Variants in NLK observed in about 807,000 individuals in gnomAD.
NLK encodes nemo like kinase, also known as serine/threonine-protein kinase NLK.
A neutral mutation model predicts 59.0 loss-of-function variants in NLK; 11 were observed. That is an observed-to-expected ratio of 0.19 (90% CI 0.12 to 0.31). NLK has a LOEUF of 0.31. Ranked by LOEUF, NLK falls within the 10% of genes least tolerant of loss-of-function variation. NLK has a pLI of 1.00. For synonymous variants in NLK, 235 were observed against 235.9 expected, an observed-to-expected ratio of 1.00 and a Z score of 0.03; for missense variants, 410 against 661.1, an observed-to-expected ratio of 0.62 and a Z score of 4.16.
chr17:28,192,269 T>TA, intron 10 of NLK, 56 bp downstream of exon 10: 3 of 894,412 alleles, frequency 3.4e-6, no homozygotes, highest in Non-Finnish European at 5.4e-6. Context: ...ATGCCAGTGT[T>TA]ACTTCATTAT....
intron 1 of NLK, among the ~76,000 whole-genome samples, chr17:28,120,810 T>C (rs1906013898): frequency 6.6e-6 from 1 of 152,188 alleles, no homozygotes; most frequent in African/African-American, 2.4e-5. Flanking sequence ...CTAAAATGAA[T>C]CCATAAAGAA....
At chr17:28,045,422 A>G (rs575370159) in intron 1 of NLK, among the ~76,000 whole-genome samples, 2 of 152,278 alleles carry the variant, frequency 1.3e-5, no homozygotes, top group East Asian at 3.9e-4. Context: ...TAGAAATCCA[A>G]TATCAAGGTA....
chr17:28,132,821 A>G (rs1426685836), intron 3 of NLK, 146 bp downstream of exon 3: 2 of 688,894 alleles, frequency 2.9e-6, no homozygotes, highest in Admixed American at 2.6e-5. Flanking sequence ...TAATTTTGAA[A>G]TCCTGTGTGT....
rs950866544 is a variant in NLK at position 28,084,624 on chromosome 17, C to T, written c.459-37979C>T. Among the ~76,000 whole-genome samples the T allele has an allele frequency of 1.2e-4, 18 of 151,746 alleles. 1 individual carries two copies. The highest frequency in any genetic ancestry group is 5.3e-4 in the Admixed American group (8 of 15,238). On this transcript the variant is annotated intron_variant, in intron 1 of 10. Transcript: ENST00000407008. ...TGTCACCCAGGCTGGAGTGCGGTGG[C>T]GCAATCTCGGCTCACTGCAACCTCC...
At chr17:28,145,029 CATT>C (rs1315488412) in intron 3 of NLK, among the ~76,000 whole-genome samples, 1 of 152,122 alleles carries the variant, frequency 6.6e-6, no homozygotes, top group African/African-American at 2.4e-5. Context: ...CTATGCCTGT[CATT>C]ATTAAGTATT....
chr17:28,066,334 C>T (rs1398857780), intron 1 of NLK, among the ~76,000 whole-genome samples: 1 of 152,202 alleles, frequency 6.6e-6, no homozygotes, highest in Non-Finnish European at 1.5e-5. Context: ...GCAGTCATTT[C>T]TACATATACC....
At chr17:28,115,435 C>G (rs765380670) in intron 1 of NLK, among the ~76,000 whole-genome samples, 4 of 152,180 alleles carry the variant, frequency 2.6e-5, no homozygotes, top group Non-Finnish European at 5.9e-5. Context: ...CTCTGCAGAG[C>G]CAACTTTTTG....
chr17:28,196,095 A>G lies in NLK; in HGVS notation c.*1459A>G, dbSNP rs1230032094. On this transcript the variant is annotated 3_prime_UTR_variant, in exon 11 of 11. Transcript: ENST00000407008. ...AGTTATGTTTGGAAGTTTTAACTTCAATGAAGTAATTATTTGCTGTGAAAG... is the reference window on the plus strand; with the variant it reads ...AGTTATGTTTGGAAGTTTTAACTTCGATGAAGTAATTATTTGCTGTGAAAG... The G allele has an allele frequency of 6.6e-6, 1 of 152,662 alleles. No individual in the cohort carries two copies. Among genetic ancestry groups the G allele is most frequent in the Non-Finnish European group, 1.5e-5 (1 of 68,028 alleles). 9.5% of individuals were successfully genotyped at this position (152,662 alleles called of 1,614,324 possible).
At chr17:28,191,290 G>T in intron 9 of NLK, 71 bp downstream of exon 9, 1 of 1,209,340 alleles carries the variant, frequency 8.3e-7, no homozygotes, top group Non-Finnish European at 1.2e-6. Context: ...GCCATGAAGA[G>T]CTGAGATCTG....
chr17:28,155,444 G>T (rs1297673640), intron 3 of NLK, among the ~76,000 whole-genome samples: 1 of 152,116 alleles, frequency 6.6e-6, no homozygotes, highest in Non-Finnish European at 1.5e-5. Context: ...ATACCCAAAG[G>T]ATTATAAATC....
intron 8 of NLK, chr17:28,190,797 C>T: frequency 2.3e-6 from 1 of 437,404 alleles, no homozygotes. Context: ...AAAGGCACTT[C>T]TAAGTACTTT....
chr17:28,186,336 T>C (rs1909115879), intron 8 of NLK, among the ~76,000 whole-genome samples: 1 of 152,216 alleles, frequency 6.6e-6, no homozygotes, highest in African/African-American at 2.4e-5. Flanking sequence ...TCAAGGTTTT[T>C]TTATTTGGGG....
rs1907038719 is a variant in NLK at position 28,142,345 on chromosome 17, T to C, written c.644+9670T>C. 2.6e-5 allele frequency among the ~76,000 whole-genome samples: 4 copies of C among 152,210 alleles called. No individual in the cohort carries two copies. In the South Asian group the frequency reaches 8.3e-4, roughly 31 times the overall value. ...CTGCCTTTGCCTGGGAAAGAGATTG[T>C]CGTATTCAAACGTTTTAACAACATG... On this transcript the variant is annotated intron_variant, in intron 3 of 10. Transcript: ENST00000407008.
chr17:28,149,024 A>G (rs1220720707), intron 3 of NLK, among the ~76,000 whole-genome samples: 2 of 152,216 alleles, frequency 1.3e-5, no homozygotes, highest in African/African-American at 2.4e-5. Context: ...TGAGCACTCA[A>G]TAAATGTCCA....
At chr17:28,049,762 C>T (rs1292064785) in intron 1 of NLK, among the ~76,000 whole-genome samples, 1 of 152,152 alleles carries the variant, frequency 6.6e-6, no homozygotes, top group Non-Finnish European at 1.5e-5. Context: ...GAGCGGTTCA[C>T]CTGAGGTCAG....
intron 1 of NLK, among the ~76,000 whole-genome samples, chr17:28,115,385 C>T (rs942056844): frequency 6.6e-5 from 10 of 152,206 alleles, no homozygotes; most frequent in African/African-American, 1.9e-4. Flanking sequence ...AGCTGAGAGA[C>T]AATAGCTTAA....
At chr17:28,102,851 C>T (rs1198451514) in intron 1 of NLK, among the ~76,000 whole-genome samples, 1 of 152,034 alleles carries the variant, frequency 6.6e-6, no homozygotes, top group Non-Finnish European at 1.5e-5. Context: ...AAGTTTACTT[C>T]AGGGGGGCAT....
intron 2 of NLK, 34 bp from the exon 3 acceptor site, chr17:28,132,586 T>A: frequency 6.5e-7 from 1 of 1,540,736 alleles, no homozygotes; most frequent in Non-Finnish European, 8.9e-7. Flanking sequence ...CCTTTTTTGT[T>A]CTCTAAATTT....
intron 1 of NLK, among the ~76,000 whole-genome samples, chr17:28,073,829 A>C (rs543992978): frequency 1.4e-4 from 22 of 152,282 alleles, no homozygotes; most frequent in Admixed American, 5.9e-4. Flanking sequence ...TTCTTTATAT[A>C]TATATCTTTC....
Sources: allele counts gnomAD v4.1 joint callset (sites outside exome capture counted in the v4.1 genomes callset), GRCh38; gene constraint gnomAD v4.1.1; transcripts MANE v1.5; gene names NCBI Gene and HGNC (gene_info 2026-07-23, HGNC 2026-07-21).